GRIK2: variants seen among roughly 807,000 people sequenced by gnomAD.
The protein encoded by GRIK2 is glutamate receptor ionotropic, kainate 2.
A neutral mutation model predicts 100.3 loss-of-function variants in GRIK2; 32 were observed. That is an observed-to-expected ratio of 0.32 (90% confidence interval 0.24 to 0.43). The LOEUF is 0.43. Ranked by LOEUF, GRIK2 falls within the 20% of genes least tolerant of loss-of-function variation. The pLI is 1.00. For synonymous variants in GRIK2, 417 were observed against 389.4 expected (o/e 1.07, Z -0.83); for missense variants, 843 against 1,114.9 (o/e 0.76, Z 3.47).
intron 2 of GRIK2, among the ~76,000 whole-genome samples, chr6:101,467,782 A>T (rs1475671779): frequency 6.6e-6 from 1 of 152,158 alleles, no homozygotes; most frequent in Non-Finnish European, 1.5e-5. Context: ...GCTACACTTC[A>T]GTTCACATGA....
chr6:101,882,002 A>G (rs1487797264), intron 11 of GRIK2, among the ~76,000 whole-genome samples: 5 of 152,072 alleles, frequency 3.3e-5, no homozygotes, highest in Non-Finnish European at 7.4e-5. Flanking sequence ...GTCATGGGGG[A>G]AGGCAAAAGG....
At chr6:101,669,569 G>C (rs982186440) in intron 4 of GRIK2, among the ~76,000 whole-genome samples, 1 of 152,098 alleles carries the variant, frequency 6.6e-6, no homozygotes, top group African/African-American at 2.4e-5. Context: ...TTTAGAACAT[G>C]ATGAGTTGCA....
chr6:101,794,198 G>A (rs555783598), intron 7 of GRIK2, among the ~76,000 whole-genome samples: 14 of 152,080 alleles, frequency 9.2e-5, no homozygotes, highest in African/African-American at 1.9e-4. Context: ...TTCGGCTCGC[G>A]CACAGTGCAC....
At chr6:101,679,666 C>T (rs1192151468) in intron 5 of GRIK2, among the ~76,000 whole-genome samples, 1 of 152,046 alleles carries the variant, frequency 6.6e-6, no homozygotes, top group East Asian at 1.9e-4. Flanking sequence ...GAGAGTATTC[C>T]TGTTGTTCAT....
intron 12 of GRIK2, among the ~76,000 whole-genome samples, chr6:101,909,123 G>A (rs1298225685): frequency 6.6e-6 from 1 of 151,074 alleles, no homozygotes; most frequent in African/African-American, 2.4e-5. Context: ...ACTACCAGCT[G>A]TTACACAGGG....
intron 14 of GRIK2, among the ~76,000 whole-genome samples, chr6:102,027,644 T>C (rs1290709033): frequency 3.3e-5 from 5 of 151,200 alleles, no homozygotes; most frequent in African/African-American, 4.8e-5. Flanking sequence ...CTGTAGAACA[T>C]ACTTAAAAAG....
chr6:101,871,955 T>G (rs909629465), intron 11 of GRIK2, among the ~76,000 whole-genome samples: 6 of 151,952 alleles, frequency 3.9e-5, no homozygotes, highest in African/African-American at 7.2e-5. Context: ...TCTAAAATGC[T>G]CTTCACAGCA....
At chr6:102,038,091 A>G (rs772579362) in intron 15 of GRIK2, among the ~76,000 whole-genome samples, 2 of 151,432 alleles carry the variant, frequency 1.3e-5, no homozygotes, top group Non-Finnish European at 3.0e-5. Context: ...CTAGTAAAAG[A>G]AGAGGATTGT....
intron 9 of GRIK2, among the ~76,000 whole-genome samples, chr6:101,816,293 T>C (rs1781625077): frequency 6.6e-6 from 1 of 152,178 alleles, no homozygotes; most frequent in Non-Finnish European, 1.5e-5. Flanking sequence ...GTATTAATTA[T>C]GGACCAGGTA....
intron 7 of GRIK2, among the ~76,000 whole-genome samples, chr6:101,783,194 AAGG>A (rs1440878229): frequency 1.3e-5 from 2 of 151,974 alleles, no homozygotes. Context: ...CCACATGACA[AAGG>A]AGGGACCTAG....
At chr6:101,602,671 C>A (rs1050441300) in intron 2 of GRIK2, among the ~76,000 whole-genome samples, 4 of 151,460 alleles carry the variant, frequency 2.6e-5, no homozygotes, top group Admixed American at 6.6e-5. Flanking sequence ...GTCTATGTTT[C>A]AGTGCCTGGA....
chr6:101,636,052 G>A (rs112764642), intron 4 of GRIK2, among the ~76,000 whole-genome samples: 37,157 of 151,886 alleles, frequency 0.24, 4,808 homozygotes, highest in East Asian at 0.41. Context: ...ACATGCACAC[G>A]TATGTTTATT....
chr6:101,608,784 G>GGTGTGTGTGTGT (rs71689029), intron 2 of GRIK2, among the ~76,000 whole-genome samples: 1 of 141,970 alleles, frequency 7.0e-6, no homozygotes, highest in African/African-American at 2.7e-5. Flanking sequence ...CTCATAGAGG[G>GGTGTGTGTGTGT]GTGTGTGTGT....
At chr6:101,622,186 T>G (rs1438485576) in intron 3 of GRIK2, 70 bp downstream of exon 3, 6 of 933,944 alleles carry the variant, frequency 6.4e-6, no homozygotes, top group Non-Finnish European at 9.9e-6. Flanking sequence ...AGAGATTTTT[T>G]TATTTTTCAA....
chr6:101,486,402 A>G (rs541692251), intron 2 of GRIK2, among the ~76,000 whole-genome samples: 1 of 146,662 alleles, frequency 6.8e-6, no homozygotes, highest in Admixed American at 6.8e-5. Context: ...GGGGGGGGGA[A>G]GCTAAGTAGA....
intron 10 of GRIK2, among the ~76,000 whole-genome samples, chr6:101,825,710 T>C (rs1782278194): frequency 6.6e-6 from 1 of 152,128 alleles, no homozygotes; most frequent in South Asian, 2.1e-4. Context: ...AAGACTATTT[T>C]ATTATGATCA....
intron 4 of GRIK2, among the ~76,000 whole-genome samples, chr6:101,665,185 G>A (rs1293686619): frequency 1.3e-5 from 2 of 152,188 alleles, no homozygotes; most frequent in Admixed American, 1.3e-4. Context: ...TGCATATTGG[G>A]CCCAGCCTCA....
At chr6:101,967,113 T>C (rs1792731208) in intron 14 of GRIK2, among the ~76,000 whole-genome samples, 1 of 151,800 alleles carries the variant, frequency 6.6e-6, no homozygotes, top group South Asian at 2.1e-4. Flanking sequence ...ATTTTTATAA[T>C]ATTAAACATT....
chr6:102,027,737 A>G (rs946326663), intron 14 of GRIK2, among the ~76,000 whole-genome samples: 3 of 151,156 alleles, frequency 2.0e-5, no homozygotes, highest in East Asian at 1.9e-4. Flanking sequence ...TCAGGTTCAT[A>G]AAAGCAAGTT....
Sources: allele counts gnomAD v4.1 joint callset (sites outside exome capture counted in the v4.1 genomes callset), GRCh38; gene constraint gnomAD v4.1.1; transcripts MANE v1.5; gene names NCBI Gene and HGNC (gene_info 2026-07-23, HGNC 2026-07-21).